Variants in NBEA observed in about 807,000 individuals in gnomAD.
The protein encoded by NBEA is lysosomal-trafficking regulator 2.
A neutral mutation model predicts 343.4 loss-of-function variants in NBEA; 44 were observed. That is an observed-to-expected ratio of 0.13 (90% CI 0.10 to 0.16). The LOEUF (loss-of-function observed/expected upper bound fraction) is 0.16, where lower values mean the gene tolerates loss of function less well. Ranked by LOEUF, NBEA falls within the 10% of genes least tolerant of loss-of-function variation. The pLI is 1.00. For synonymous variants in NBEA, 1,175 were observed against 1,238.7 expected (o/e 0.95, Z 1.08); for missense variants, 2,555 against 3,631.3 (o/e 0.70, Z 7.62).
At chr13:35,244,711 G>A (rs2030912249) in intron 34 of NBEA, among the ~76,000 whole-genome samples, 1 of 152,006 alleles carries the variant, frequency 6.6e-6, no homozygotes, top group Non-Finnish European at 1.5e-5. Context: ...TGGAAGTATG[G>A]TCATGGTCAT....
intron 10 of NBEA, among the ~76,000 whole-genome samples, chr13:35,075,762 TTAAG>T (rs2064086327): frequency 1.3e-5 from 2 of 152,054 alleles, no homozygotes; most frequent in African/African-American, 2.4e-5. Flanking sequence ...CCCTTAATAA[TTAAG>T]TATTTCATTC....
intron 36 of NBEA, among the ~76,000 whole-genome samples, chr13:35,314,493 C>A (rs540592397): frequency 1.6e-4 from 24 of 152,202 alleles, no homozygotes; most frequent in Admixed American, 1.4e-3. Context: ...TCTGTTCTCC[C>A]AGTACCTCAA....
chr13:35,151,271 C>T (rs150357377), intron 18 of NBEA, among the ~76,000 whole-genome samples: 4,407 of 151,782 alleles, frequency 0.029, 82 homozygotes, highest in Non-Finnish European at 0.044. Flanking sequence ...AGGCCGGGCT[C>T]GGTGGCTCAC....
At chr13:35,382,860 A>G (rs2042079126) in intron 38 of NBEA, among the ~76,000 whole-genome samples, 1 of 152,186 alleles carries the variant, frequency 6.6e-6, no homozygotes, top group African/African-American at 2.4e-5. Flanking sequence ...TTAGACTTTT[A>G]TGGGCTGTAT....
rs369109567 is a variant in NBEA, at chr13:35,501,374, A to G, written c.6585+28838A>G. Among the ~76,000 whole-genome samples, 12 of 152,284 alleles carry G rather than the reference A, an allele frequency of 7.9e-5. No individual in the cohort carries two copies. The East Asian group carries it at 2.1e-3, about 27-fold the overall frequency. On this transcript the variant is annotated intron_variant, in intron 41 of 58. Coordinates refer to ENST00000379939, the MANE Select transcript of NBEA (RefSeq NM_001385012.1). The stretch of plus-strand genomic sequence containing the variant: ...TGTGAGCCACTGTTGTTGCTTTCTG[A>G]TAACATAGATTTTCAATTAAAAAAT...
At chr13:35,235,263 T>G (rs181241930) in intron 34 of NBEA, among the ~76,000 whole-genome samples, 182 of 152,290 alleles carry the variant, frequency 1.2e-3, no homozygotes, top group African/African-American at 4.3e-3. Context: ...ATTTTTATTT[T>G]CATGCTTTTC....
At chr13:35,111,857 G>A (rs938308981) in intron 13 of NBEA, among the ~76,000 whole-genome samples, 3 of 150,468 alleles carry the variant, frequency 2.0e-5, no homozygotes, top group Non-Finnish European at 3.0e-5. Flanking sequence ...GCTCACAATA[G>A]CATTGAATAT....
chr13:35,261,677 G>A (rs2033230182), intron 34 of NBEA, among the ~76,000 whole-genome samples: 1 of 152,022 alleles, frequency 6.6e-6, no homozygotes, highest in South Asian at 2.1e-4. Context: ...CAGTGAACTC[G>A]GAGATGTAGA....
chr13:35,073,257 C>T (rs759787173), intron 10 of NBEA, among the ~76,000 whole-genome samples: 1 of 151,846 alleles, frequency 6.6e-6, no homozygotes, highest in Non-Finnish European at 1.5e-5. Flanking sequence ...ATGATTGGGA[C>T]CTTGAAATAG....
chr13:35,136,010 T>A (rs1037120978), intron 17 of NBEA, among the ~76,000 whole-genome samples: 2 of 150,600 alleles, frequency 1.3e-5, no homozygotes, highest in African/African-American at 4.9e-5. Context: ...TAAAGAGAGA[T>A]GAAAGAATAT....
chr13:35,094,314 G>T (rs1056140988), intron 10 of NBEA, among the ~76,000 whole-genome samples: 1 of 151,976 alleles, frequency 6.6e-6, no homozygotes, highest in Non-Finnish European at 1.5e-5. Context: ...AGATTTCATG[G>T]CTCCGGGCAG....
At chr13:34,993,559 G>A (rs1402864312) in intron 1 of NBEA, among the ~76,000 whole-genome samples, 1 of 152,176 alleles carries the variant, frequency 6.6e-6, no homozygotes, top group Non-Finnish European at 1.5e-5. Context: ...AAAGATTAGT[G>A]TGGAGACTAT....
At chr13:35,461,045 A>G (rs190682011) in intron 40 of NBEA, among the ~76,000 whole-genome samples, 18 of 152,268 alleles carry the variant, frequency 1.2e-4, no homozygotes, top group African/African-American at 4.1e-4. Context: ...CCATTAATTC[A>G]TTAATCCACA....
At chr13:34,959,000 T>G (rs1422056638) in intron 1 of NBEA, among the ~76,000 whole-genome samples, 1 of 152,108 alleles carries the variant, frequency 6.6e-6, no homozygotes, top group African/African-American at 2.4e-5. Context: ...AAGGAATTGT[T>G]TTTTTCCTTC....
chr13:35,443,348 G>A (rs932902240), intron 39 of NBEA, among the ~76,000 whole-genome samples: 4 of 151,976 alleles, frequency 2.6e-5, no homozygotes, highest in Non-Finnish European at 4.4e-5. Context: ...ACTGATCCAC[G>A]TAAGGAATAG....
intron 33 of NBEA, among the ~76,000 whole-genome samples, chr13:35,212,358 CTTTTA>C (rs1440950179): frequency 6.6e-6 from 1 of 151,896 alleles, no homozygotes; most frequent in Non-Finnish European, 1.5e-5. Context: ...ATTTATTCTC[CTTTTA>C]TTTATTTATG....
chr13:35,113,508 C>G (rs2066319930), intron 13 of NBEA, among the ~76,000 whole-genome samples: 1 of 152,024 alleles, frequency 6.6e-6, no homozygotes, highest in South Asian at 2.1e-4. Context: ...ATTGTGATGA[C>G]TGACAAATGA....
At chr13:35,440,095 G>T (rs1314521105) in intron 39 of NBEA, among the ~76,000 whole-genome samples, 1 of 152,168 alleles carries the variant, frequency 6.6e-6, no homozygotes, top group Admixed American at 6.5e-5. Context: ...GGCCAGGCTG[G>T]TCTCGAACTC....
chr13:35,307,838 T>C (rs949457681), intron 35 of NBEA, among the ~76,000 whole-genome samples: 4 of 152,132 alleles, frequency 2.6e-5, no homozygotes, highest in African/African-American at 9.6e-5. Context: ...CAAAGAGGCT[T>C]TAAATTTTGT....
Sources: allele counts gnomAD v4.1 joint callset (sites outside exome capture counted in the v4.1 genomes callset), GRCh38; gene constraint gnomAD v4.1.1; transcripts MANE v1.5; gene names NCBI Gene and HGNC (gene_info 2026-07-23, HGNC 2026-07-21).